Variants in RGMA observed in about 807,000 individuals in gnomAD.
RGMA encodes the protein repulsive guidance molecule A.
RGMA carries 10 observed loss-of-function variants against 23.2 expected under a neutral mutation model. The ratio of observed to expected loss-of-function variants is 0.43; its 90% CI spans 0.27 to 0.73. RGMA has a LOEUF of 0.73. RGMA is among the 30% of genes least tolerant of loss of function. The pLI, the probability that RGMA is intolerant of heterozygous loss-of-function variation, is 0.20. For missense variants in RGMA, 547 were observed against 630.5 expected, an observed-to-expected ratio of 0.87 and a Z score of 1.42; for synonymous variants, 308 against 279.3, an observed-to-expected ratio of 1.10 and a Z score of -1.03.
In RGMA at chr15:93,055,396, C is replaced by T. The variant is rs185178306; in HGVS notation, c.131-2889G>A. Among the ~76,000 whole-genome samples the T allele has an allele frequency of 3.9e-5, 6 of 152,306 alleles. No homozygotes were observed. In the South Asian group the frequency reaches 6.2e-4, roughly 16 times the overall value. On this transcript the variant is annotated intron_variant, in intron 2 of 3. Coordinates refer to ENST00000329082, the MANE Select transcript of RGMA (RefSeq NM_020211.3). ...CAGCTGGCTGGCTCCGTCCCAGGTC[C>T]GGTGCTGCAGGCGGTACAGGCCTCC...
rs144770159 is a variant in RGMA at position 93,076,380 on chromosome 15, G to C, written c.15-3349C>G. ...TTCTCAGGGGCAGTGATAGTCAGGG[G>C]TTCCAACTTTGCCTGCTTCTAGGTA... On this transcript the variant is annotated intron_variant, in intron 1 of 3. Transcript: ENST00000329082. Among the ~76,000 whole-genome samples the C allele has an allele frequency of 3.9e-4, 60 of 152,262 alleles. No homozygotes were observed. In the East Asian group the frequency reaches 0.01, roughly 25 times the overall value.
intron 1 of RGMA, among the ~76,000 whole-genome samples, chr15:93,080,757 C>T (rs975591040): frequency 5.3e-5 from 8 of 152,214 alleles, no homozygotes; most frequent in Admixed American, 3.9e-4. Context: ...CTCTTTCCTT[C>T]TTTCACACCT....
rs1306679386 is a variant in RGMA at position 93,073,008 on chromosome 15, C to G, written c.38G>C (p.Arg13Pro). 6.2e-7 allele frequency: 1 copy of G among 1,610,274 alleles called. No individual in the cohort carries two copies. Among genetic ancestry groups the G allele is most frequent in the Non-Finnish European group, 8.5e-7 (1 of 1,178,490 alleles). Reference protein sequence around the residue: ...PPRERLVVTGRAGWMGMGRGA... With the variant: ...PPRERLVVTGPAGWMGMGRGA... ...TCTCCCCATACCCATCCATCCAGCT[C>G]GGCCTGTTACCACTAGCCTCTCCCT... Residue 13 changes from arginine (R) to proline (P), a missense_variant, in exon 2 of 4, where the codon CGA becomes CCA. Physicochemically the swap from Arg to Pro is moderately radical, Grantham distance 103 (BLOSUM62 -2). This residue lies in a region of RGMA where 214 missense variants were observed against 234.7 expected (regional missense o/e 0.91). Coordinates refer to ENST00000329082, the MANE Select transcript of RGMA (RefSeq NM_020211.3).
At chr15:93,057,085 G>T (rs2055026831) in intron 2 of RGMA, among the ~76,000 whole-genome samples, 1 of 152,090 alleles carries the variant, frequency 6.6e-6, no homozygotes, top group Admixed American at 6.5e-5. Context: ...AGGGCGCAGT[G>T]GATTCCACCT....
intron 2 of RGMA, among the ~76,000 whole-genome samples, chr15:93,060,293 A>C (rs1246316330): frequency 6.6e-6 from 1 of 152,132 alleles, no homozygotes. Flanking sequence ...GAAGCATATT[A>C]TGGGGTATTA....
At chr15:93,054,172 G>A (rs2054974350) in intron 2 of RGMA, among the ~76,000 whole-genome samples, 1 of 148,126 alleles carries the variant, frequency 6.8e-6, no homozygotes, top group Admixed American at 6.8e-5. Context: ...AGAGGTTGCA[G>A]TGACCTGAGA....
chr15:93,085,752 T>C (rs1185164986), intron 1 of RGMA, among the ~76,000 whole-genome samples: 1 of 152,252 alleles, frequency 6.6e-6, no homozygotes, highest in African/African-American at 2.4e-5. Context: ...GCCCTAAGAA[T>C]TGTAAAGTTT....
At chr15:93,084,763 G>A (rs1434697231) in intron 1 of RGMA, among the ~76,000 whole-genome samples, 6 of 152,296 alleles carry the variant, frequency 3.9e-5, no homozygotes, top group African/African-American at 7.2e-5. Context: ...GTGAACCACC[G>A]TGCCTGGCTA....
In RGMA at chr15:93,045,234, G is replaced by A. The variant is rs1477489951; in HGVS notation, c.1117C>T (p.Leu373=). Residue 373 remains leucine, a synonymous_variant, in exon 4 of 4, where the codon CTG becomes TTG. Transcript: ENST00000329082. This position sits in a 1 kb window ranked among gnomAD's most constrained non-coding sequence, Gnocchi z 6.9. ...TCGAAGACGCAGGCCTGGTAGTACAGGTCCTCCACCGGCAGCTTCTCCTTG... is the reference window on the plus strand; with the variant it reads ...TCGAAGACGCAGGCCTGGTAGTACAAGTCCTCCACCGGCAGCTTCTCCTTG... ...KCKEKLPVED[L]YYQACVFDLL... is the part of the protein sequence containing the mutation. 3 of 1,612,932 alleles carry A rather than the reference G, an allele frequency of 1.9e-6. No individual in the cohort carries two copies. Among genetic ancestry groups the A allele is most frequent in the Non-Finnish European group, 2.5e-6 (3 of 1,179,636 alleles).
At chr15:93,069,346 G>A (rs1485050931) in intron 2 of RGMA, among the ~76,000 whole-genome samples, 1 of 152,198 alleles carries the variant, frequency 6.6e-6, no homozygotes, top group Non-Finnish European at 1.5e-5. Context: ...CTGGCCTCAA[G>A]CAATCCACCC....
rs1432052392 is a variant in RGMA at position 93,045,994 on chromosome 15, G to A, written c.646-289C>T. 6.6e-6 allele frequency among the ~76,000 whole-genome samples: 1 copy of A among 152,166 alleles called. No homozygotes were observed. The highest frequency in any genetic ancestry group is 2.4e-5 in the African/African-American group (1 of 41,432). On this transcript the variant is annotated intron_variant, in intron 3 of 3. Coordinates refer to ENST00000329082, the MANE Select transcript of RGMA (RefSeq NM_020211.3). The surrounding 1 kb of genome is among the most constrained non-coding windows in gnomAD (Gnocchi z 6.9). ...TTTTACTATATAGGGAAGTGAACCA[G>A]AAAAATAAAAGCATAGATAATTAAA...
At chr15:93,053,257 G>A (rs2054958239) in intron 2 of RGMA, among the ~76,000 whole-genome samples, 1 of 152,206 alleles carries the variant, frequency 6.6e-6, no homozygotes, top group Non-Finnish European at 1.5e-5. Flanking sequence ...AAATGACCGT[G>A]CCCCAGAACT....
At chr15:93,061,161 TTTAC>T (rs1894948160) in intron 2 of RGMA, among the ~76,000 whole-genome samples, 1 of 152,110 alleles carries the variant, frequency 6.6e-6, no homozygotes, top group Non-Finnish European at 1.5e-5. Flanking sequence ...TATCAGGAGA[TTTAC>T]TTATTTTTTG....
At position 93,045,785 on chromosome 15, in the gene RGMA, T is replaced by G; in HGVS notation, c.646-80A>C. 9.4e-7 allele frequency: 1 copy of G among 1,066,280 alleles called. No individual in the cohort carries two copies. The highest frequency in any genetic ancestry group is 1.4e-6 in the Non-Finnish European group (1 of 715,578). 66.1% of individuals were successfully genotyped at this position (1,066,280 alleles called of 1,614,324 possible). A position where few individuals can be genotyped will look rare whatever the true frequency, so the allele number is the denominator to read the frequency against. On this transcript the variant is annotated intron_variant, in intron 3 of 3. Transcript: ENST00000329082. The surrounding 1 kb of genome is among the most constrained non-coding windows in gnomAD (Gnocchi z 6.9). ...GCCCCACACTTAAGATGCTCTAGAC[T>G]GAGAGGAGGGCAGGAAGGATCCCCA...
At chr15:93,081,415 GTAATAA>G (rs1895557089) in intron 1 of RGMA, among the ~76,000 whole-genome samples, 1 of 152,194 alleles carries the variant, frequency 6.6e-6, no homozygotes, top group Admixed American at 6.5e-5. Flanking sequence ...ATGAAATTCA[GTAATAA>G]TGCCCAACAA....
chr15:93,072,399 C>T lies in RGMA; in HGVS notation c.130+517G>A, dbSNP rs559971771. ...GAACACCAGCTCATTTGAGCCGAGT[C>T]CGTGGGTGTCCCCGCGTGGCCAAAT... On this transcript the variant is annotated intron_variant, in intron 2 of 3. Coordinates refer to ENST00000329082, the MANE Select transcript of RGMA (RefSeq NM_020211.3). Among the ~76,000 whole-genome samples the T allele has an allele frequency of 5.9e-5, 9 of 152,358 alleles. No homozygotes were observed. The East Asian group carries it at 1.7e-3, about 29-fold the overall frequency.
chr15:93,055,811 A>G (rs2055004522), intron 2 of RGMA, among the ~76,000 whole-genome samples: 1 of 152,092 alleles, frequency 6.6e-6, no homozygotes, highest in Admixed American at 6.5e-5. Context: ...GTGTGGCTCT[A>G]CCCTCCAAAT....
chr15:93,056,221 G>A (rs563192512), intron 2 of RGMA, among the ~76,000 whole-genome samples: 64 of 152,356 alleles, frequency 4.2e-4, no homozygotes, highest in Non-Finnish European at 6.3e-4. Context: ...GCCTGATGGA[G>A]CCGGGCCAGC....
chr15:93,063,190 C>G (rs1281142243), intron 2 of RGMA: 3 of 152,254 alleles, frequency 2.0e-5, no homozygotes, highest in African/African-American at 7.2e-5. Flanking sequence ...GAGACACTAG[C>G]CTTGAAGCCT....
Sources: gnomAD v4.1 joint callset for allele counts (sites outside exome capture counted in the v4.1 genomes callset) on GRCh38, gnomAD v4.1.1 for gene constraint, gnomAD v4.1.1 regional missense constraint, Gnocchi (gnomAD v3.1) non-coding constraint, MANE v1.5 for transcripts, NCBI Gene and HGNC (gene_info 2026-07-23, HGNC 2026-07-21) for gene names.